Variants in RXRA observed in about 807,000 individuals in gnomAD.
RXRA encodes retinoid X receptor alpha.
RXRA carries 5 observed loss-of-function variants against 44.5 expected under a neutral mutation model. The observed-to-expected ratio is 0.11, with a 90% CI of 0.06 to 0.24. The LOEUF (loss-of-function observed/expected upper bound fraction) is 0.24, where lower values mean the gene tolerates loss of function less well. Among genes scored for constraint, RXRA ranks in the 10% least tolerant of loss-of-function variants. RXRA has a pLI of 1.00. For missense variants in RXRA, 412 were observed against 646.5 expected, an observed-to-expected ratio of 0.64 and a Z score of 3.93; for synonymous variants, 291 against 271.4, an observed-to-expected ratio of 1.07 and a Z score of -0.71.
chr9:134,435,285 G>C (rs1007839160), intron 9 of RXRA, among the ~76,000 whole-genome samples: 1 of 152,154 alleles, frequency 6.6e-6, no homozygotes, highest in African/African-American at 2.4e-5. Flanking sequence ...CAGCCGGAAG[G>C]GACACCTGGT....
Position 134,424,138 on chromosome 9 carries a change from A to AG in RXRA, c.910+2334dup, listed in dbSNP as rs34463349. 3.4e-4 allele frequency: 338 copies of AG among 980,744 alleles called. 1 individual carries two copies. The African/African-American group carries it at 5.5e-3, about 16-fold the overall frequency. The allele number at this position is 980,744 out of a possible 1,614,324, so 60.8% of individuals were successfully genotyped here. ...GCGTGGGGTGGTCGTGGTGGAGTGC[A>AG]GTGCTGAGGTTAGAGGGTTTCTGTG... On this transcript the variant is annotated intron_variant, in intron 6 of 9. Transcript: ENST00000481739.
chr9:134,346,133 C>T (rs1201305809), intron 1 of RXRA, among the ~76,000 whole-genome samples: 2 of 152,130 alleles, frequency 1.3e-5, no homozygotes, highest in Non-Finnish European at 2.9e-5. Flanking sequence ...TCGGCTCTAC[C>T]ACTGCTGGCT....
intron 1 of RXRA, among the ~76,000 whole-genome samples, chr9:134,358,890 C>T (rs1830316418): frequency 6.6e-6 from 1 of 152,202 alleles, no homozygotes; most frequent in Admixed American, 6.5e-5. Flanking sequence ...GGGCCTGCTG[C>T]TGGGCTCAGG....
At chr9:134,363,619 C>T (rs2119067058) in intron 1 of RXRA, among the ~76,000 whole-genome samples, 1 of 152,350 alleles carries the variant, frequency 6.6e-6, no homozygotes, top group East Asian at 1.9e-4. Flanking sequence ...GCAACGGCAG[C>T]TTTGGGCAGG....
intron 1 of RXRA, among the ~76,000 whole-genome samples, chr9:134,384,349 C>T (rs913609879): frequency 6.6e-6 from 1 of 152,248 alleles, no homozygotes; most frequent in Non-Finnish European, 1.5e-5. Flanking sequence ...TTGATGGTTA[C>T]CTGCTCCACA....
intron 4 of RXRA, among the ~76,000 whole-genome samples, chr9:134,411,770 C>T (rs946633825): frequency 3.3e-5 from 5 of 152,232 alleles, no homozygotes; most frequent in Admixed American, 2.0e-4. Context: ...TCTGCGTGGG[C>T]GGTGAGGAGG....
At chr9:134,402,130 G>A (rs1830972866) in intron 2 of RXRA, 4 of 546,468 alleles carry the variant, frequency 7.3e-6, no homozygotes, top group Admixed American at 3.5e-5. Flanking sequence ...ATCTGCCCAC[G>A]TGGCCCCTTC....
chr9:134,354,151 C>G (rs567651350), intron 1 of RXRA, among the ~76,000 whole-genome samples: 2 of 152,144 alleles, frequency 1.3e-5, no homozygotes, highest in Non-Finnish European at 1.5e-5. Context: ...TGCCTGGGTC[C>G]CAGCAGGCAC....
At chr9:134,379,288 C>T (rs541915269) in intron 1 of RXRA, 626 of 986,574 alleles carry the variant, frequency 6.3e-4, no homozygotes, top group Non-Finnish European at 7.4e-4. Context: ...CAGCTGTTGC[C>T]GAGGGCACAG....
chr9:134,415,236 C>T (rs1157137678), intron 4 of RXRA, among the ~76,000 whole-genome samples: 10 of 152,262 alleles, frequency 6.6e-5, no homozygotes, highest in Middle Eastern at 3.4e-3. Context: ...GAGGCATCCA[C>T]GTGGGGCTGT....
At chr9:134,354,394 G>A (rs1267932942) in intron 1 of RXRA, among the ~76,000 whole-genome samples, 1 of 152,248 alleles carries the variant, frequency 6.6e-6, no homozygotes, top group Non-Finnish European at 1.5e-5. Flanking sequence ...GTGTTGGCGT[G>A]AGGAGGTGGT....
intron 1 of RXRA, among the ~76,000 whole-genome samples, chr9:134,361,170 A>G (rs968473021): frequency 6.6e-6 from 1 of 152,224 alleles, no homozygotes; most frequent in Non-Finnish European, 1.5e-5. Flanking sequence ...CATTTTGCTA[A>G]TTCCCTCAGC....
intron 6 of RXRA, chr9:134,427,072 C>G: frequency 1.0e-6 from 1 of 981,236 alleles, no homozygotes; most frequent in Non-Finnish European, 1.2e-6. Flanking sequence ...CCCTTCCCCT[C>G]CCTGGGCCAC....
intron 1 of RXRA, among the ~76,000 whole-genome samples, chr9:134,393,910 A>G (rs1479661445): frequency 1.3e-5 from 2 of 152,068 alleles, no homozygotes; most frequent in Non-Finnish European, 2.9e-5. Flanking sequence ...AAGGGTGGCC[A>G]TCAGCCTCGG....
At chr9:134,336,587 CT>C (rs1254331328) in intron 1 of RXRA, among the ~76,000 whole-genome samples, 2 of 152,220 alleles carry the variant, frequency 1.3e-5, no homozygotes, top group African/African-American at 4.8e-5. Flanking sequence ...TGAATGGGCC[CT>C]GCTCCTCTTC....
rs116908777 is a variant in RXRA, at chr9:134,388,400, C to T, written c.29-13232C>T. 7.9e-5 allele frequency among the ~76,000 whole-genome samples: 12 copies of T among 152,266 alleles called. No homozygotes were observed. The East Asian group carries it at 2.3e-3, about 29-fold the overall frequency. ...GTCTCCTGAAGCGCACTTACTGTCT[C>T]TTCTGGGAATGACTTGGGATGTTGT... On this transcript the variant is annotated intron_variant, in intron 1 of 9. Coordinates refer to ENST00000481739, the MANE Select transcript of RXRA (RefSeq NM_002957.6).
intron 4 of RXRA, among the ~76,000 whole-genome samples, chr9:134,411,834 C>T (rs1371475398): frequency 6.6e-6 from 1 of 152,226 alleles, no homozygotes. Context: ...TCCTTGTGCA[C>T]AGGGGGAGTC....
At position 134,417,048 on chromosome 9, in the gene RXRA, GTGT is replaced by G. The variant is rs1165520150; in HGVS notation, c.611-106_611-104del. 3 of 1,139,770 alleles carry G rather than the reference GTGT, an allele frequency of 2.6e-6. No homozygotes were observed. In the East Asian group the frequency reaches 7.7e-5, roughly 29 times the overall value. The allele number at this position is 1,139,770 out of a possible 1,614,324, so 70.6% of individuals were successfully genotyped here. ...TCACCCAGTGCTGGTGGGGATGCTGGTGTTGTGGGTGAGTTGGCTGGGAGCTGG... is the reference window on the plus strand; with the variant it reads ...TCACCCAGTGCTGGTGGGGATGCTGGTGTGGGTGAGTTGGCTGGGAGCTGG... On this transcript the variant is annotated intron_variant, in intron 4 of 9. Coordinates refer to ENST00000481739, the MANE Select transcript of RXRA (RefSeq NM_002957.6). This position sits in a 1 kb window ranked among gnomAD's most constrained non-coding sequence, Gnocchi z 6.1.
At chr9:134,385,173 A>C (rs1475117802) in intron 1 of RXRA, among the ~76,000 whole-genome samples, 2 of 152,134 alleles carry the variant, frequency 1.3e-5, no homozygotes, top group Admixed American at 1.3e-4. Flanking sequence ...TCCTGGGTGG[A>C]TGGGGACTTA....
Sources: allele counts gnomAD v4.1 joint callset (sites outside exome capture counted in the v4.1 genomes callset), GRCh38; gene constraint gnomAD v4.1.1; non-coding constraint Gnocchi (gnomAD v3.1); transcripts MANE v1.5; gene names NCBI Gene and HGNC (gene_info 2026-07-23, HGNC 2026-07-21).